The following CSNK2A2IP variants were observed in gnomAD, a reference collection of about 807,000 sequenced individuals.
CSNK2A2IP encodes the protein casein kinase 2 subunit alpha' interacting protein.
At chr3:88,453,642 T>G in the CSNK2A2IP span, among the ~76,000 whole-genome samples, 1 of 152,108 alleles carries the variant, frequency 6.6e-6, no homozygotes, top group Non-Finnish European at 1.5e-5. Context: ...ATTTGCCTCA[T>G]TGTACCCTGT....
the CSNK2A2IP span, among the ~76,000 whole-genome samples, chr3:88,419,134 G>A: frequency 6.6e-6 from 1 of 152,038 alleles, no homozygotes; most frequent in Non-Finnish European, 1.5e-5. Flanking sequence ...AAGGTGAGTT[G>A]TATAATTATT....
the CSNK2A2IP span, among the ~76,000 whole-genome samples, chr3:88,448,098 T>C: frequency 6.6e-6 from 1 of 152,202 alleles, no homozygotes; most frequent in Non-Finnish European, 1.5e-5. Flanking sequence ...AGGAACCTGG[T>C]GGAGGGCATT....
chr3:88,446,751 G>A, the CSNK2A2IP span, among the ~76,000 whole-genome samples: 4 of 152,154 alleles, frequency 2.6e-5, no homozygotes, highest in South Asian at 2.1e-4. Context: ...TTGATTTGAC[G>A]ATATACACAC....
At chr3:88,379,224 G>A in the CSNK2A2IP span, among the ~76,000 whole-genome samples, 1 of 151,966 alleles carries the variant, frequency 6.6e-6, no homozygotes, top group African/African-American at 2.4e-5. Flanking sequence ...TCCCCGTGTG[G>A]CACAGACCTT....
At chr3:88,397,115 T>C in the CSNK2A2IP span, among the ~76,000 whole-genome samples, 8 of 152,196 alleles carry the variant, frequency 5.3e-5, no homozygotes, top group African/African-American at 1.9e-4. Context: ...GAGTAGAAGA[T>C]AAACATTTAC....
the CSNK2A2IP span, among the ~76,000 whole-genome samples, chr3:88,432,164 A>C: frequency 1.4e-4 from 21 of 152,046 alleles, no homozygotes; most frequent in South Asian, 4.4e-3. Flanking sequence ...ATGCTCATTT[A>C]CTGAATGAAT....
the CSNK2A2IP span, among the ~76,000 whole-genome samples, chr3:88,426,319 G>A: frequency 1.3e-5 from 2 of 152,162 alleles, no homozygotes; most frequent in Non-Finnish European, 2.9e-5. Context: ...TTAGATATAA[G>A]GAAGAATGAA....
the CSNK2A2IP span, among the ~76,000 whole-genome samples, chr3:88,339,421 C>T: frequency 0.44 from 66,584 of 151,916 alleles, 15,849 homozygotes; most frequent in South Asian, 0.62. Flanking sequence ...ATATGTGCCA[C>T]ATTTTCTTGA....
At chr3:88,467,240 C>T in the CSNK2A2IP span, 3 of 401,138 alleles carry the variant, frequency 7.5e-6, no homozygotes, top group African/African-American at 4.1e-5. Flanking sequence ...TCCTCCTCCT[C>T]TGTTGCCTCT....
chr3:88,384,222 A>G, the CSNK2A2IP span, among the ~76,000 whole-genome samples: 51 of 152,204 alleles, frequency 3.4e-4, no homozygotes, highest in Admixed American at 2.1e-3. Context: ...CAAGATAAAC[A>G]TTGTGAAAAA....
the CSNK2A2IP span, among the ~76,000 whole-genome samples, chr3:88,438,742 C>G: frequency 6.6e-6 from 1 of 152,154 alleles, no homozygotes; most frequent in Non-Finnish European, 1.5e-5. Flanking sequence ...AGACAGTGTT[C>G]CCTTCAGTCT....
At chr3:88,434,562 G>A in the CSNK2A2IP span, among the ~76,000 whole-genome samples, 2 of 152,130 alleles carry the variant, frequency 1.3e-5, no homozygotes, top group Non-Finnish European at 1.5e-5. Context: ...CCTAGGCCTC[G>A]ACCAAGCATC....
the CSNK2A2IP span, chr3:88,382,891 A>G: frequency 6.6e-6 from 1 of 152,174 alleles, no homozygotes; most frequent in African/African-American, 2.4e-5. Context: ...GTAGATTATT[A>G]TTTAGCTCTG....
the CSNK2A2IP span, among the ~76,000 whole-genome samples, chr3:88,397,597 G>T: frequency 6.6e-6 from 1 of 152,070 alleles, no homozygotes; most frequent in African/African-American, 2.4e-5. Context: ...ATATGAAAGA[G>T]TTTGCCTTAA....
chr3:88,373,086 T>C, the CSNK2A2IP span, among the ~76,000 whole-genome samples: 11 of 151,582 alleles, frequency 7.3e-5, no homozygotes, highest in East Asian at 2.1e-3. Context: ...TTACAGAAAT[T>C]CAGTAAAGAT....
chr3:88,344,071 TG>T, the CSNK2A2IP span, among the ~76,000 whole-genome samples: 1 of 151,952 alleles, frequency 6.6e-6, no homozygotes. Context: ...AAAAACTTTG[TG>T]GTAGAATTTT....
chr3:88,356,564 G>A, the CSNK2A2IP span, among the ~76,000 whole-genome samples: 1 of 152,034 alleles, frequency 6.6e-6, no homozygotes, highest in Admixed American at 6.6e-5. Flanking sequence ...AAAAATGCAA[G>A]GGTACATATC....
At chr3:88,427,910 CT>C in the CSNK2A2IP span, among the ~76,000 whole-genome samples, 2 of 152,136 alleles carry the variant, frequency 1.3e-5, no homozygotes, top group African/African-American at 4.8e-5. Context: ...CCTAGTGGAG[CT>C]GTGAGAGGAG....
chr3:88,442,702 G>T, the CSNK2A2IP span, among the ~76,000 whole-genome samples: 4 of 151,784 alleles, frequency 2.6e-5, no homozygotes, highest in Non-Finnish European at 5.9e-5. Context: ...ATCTTCCCAA[G>T]ATCATAGAGC....
Sources: gnomAD v4.1 joint callset for allele counts (sites outside exome capture counted in the v4.1 genomes callset) on GRCh38, gnomAD v4.1.1 for gene constraint, MANE v1.5 for transcripts, NCBI Gene and HGNC (gene_info 2026-07-23, HGNC 2026-07-21) for gene names.